Variants in RANBP10 observed in about 807,000 individuals in gnomAD.
The protein encoded by RANBP10 is RAN binding protein 10.
In RANBP10, 24 loss-of-function variants were observed where a neutral mutation model predicts 72.8. That is an observed-to-expected ratio of 0.33 (90% CI 0.24 to 0.46). RANBP10 has a LOEUF of 0.46. RANBP10 is among the 20% of genes least tolerant of loss of function. RANBP10 has a pLI of 1.00. For missense variants in RANBP10, 679 were observed against 817.5 expected (o/e 0.83, Z 2.07); for synonymous variants, 310 against 322.3 (o/e 0.96, Z 0.41).
Position 67,806,447 on chromosome 16 carries a change from A to C in RANBP10, c.90T>G (p.Pro30=), listed in dbSNP as rs776847007. The C allele has an allele frequency of 3.8e-6, 6 of 1,575,354 alleles. No homozygotes were observed. The Admixed American group carries it at 9.2e-5, about 24-fold the overall frequency. The change falls in exon 1 of 14, where the codon CCT becomes CCG. Residue 30 remains proline, a synonymous_variant. Transcript: ENST00000317506. ...GGGAGGGLPS[P]GEQELSRRLQ... ...AGCGCCGGCTCAGCTCCTGCTCCCC[A>C]GGGGACGGCAGCCCGCCCCCAGCGC...
chr16:67,762,537 C>T (rs1044264979), intron 3 of RANBP10: 3 of 152,134 alleles, frequency 2.0e-5, no homozygotes, highest in African/African-American at 7.2e-5. Flanking sequence ...TGTCTATTTC[C>T]CCATATGACC....
In RANBP10 at chr16:67,806,513, C is replaced by T. The variant is rs1223855324; in HGVS notation, c.24G>A (p.Pro8=). 3.3e-6 allele frequency: 5 copies of T among 1,517,928 alleles called. No individual in the cohort carries two copies. The highest frequency in any genetic ancestry group is 4.4e-6 in the Non-Finnish European group (5 of 1,140,850). The allele number at this position is 1,517,928 out of a possible 1,614,324, so 94.0% of individuals were successfully genotyped here. A position where few individuals can be genotyped will look rare whatever the true frequency, so the allele number is the denominator to read the frequency against. Residue 8 remains proline, a synonymous_variant, in exon 1 of 14, where the codon CCG becomes CCA. Transcript: ENST00000317506. The part of the protein sequence containing the change: MAAATAD[P]GAGNPQPGDS... Reference sequence around the variant, plus strand: ...CCCCAGGCTGCGGGTTCCCAGCTCCCGGGTCTGCCGTCGCTGCCGCCATCT... The same window carrying T: ...CCCCAGGCTGCGGGTTCCCAGCTCCTGGGTCTGCCGTCGCTGCCGCCATCT...
rs1427378582 is a variant in RANBP10, at chr16:67,734,871, C to G, written c.763G>C (p.Ala255Pro). 4 of 1,600,378 alleles carry G rather than the reference C, an allele frequency of 2.5e-6. No individual in the cohort carries two copies. In the Admixed American group the frequency reaches 6.8e-5, roughly 27 times the overall value. ...PISARLGEWQ[A>P]VLQNMVSSYL... ...CAGGGCACTCACTTCTGCAGCACTG[C>G]CTGCCACTCGCCAAGCCGGGCACTG... Residue 255 changes from alanine (A) to proline (P), a missense_variant, in exon 6 of 14, where the codon GCA (alanine) becomes CCA (proline). Transcript: ENST00000317506.
chr16:67,731,260 G>C (rs2053724247), intron 7 of RANBP10: 2 of 516,182 alleles, frequency 3.9e-6, no homozygotes, highest in Non-Finnish European at 7.0e-6. Flanking sequence ...TGTGCATTAG[G>C]GAGGCTGCCC....
intron 3 of RANBP10, among the ~76,000 whole-genome samples, chr16:67,767,508 T>C (rs1168929170): frequency 1.4e-5 from 2 of 138,220 alleles, no homozygotes; most frequent in Non-Finnish European, 3.1e-5. Context: ...GCGCCTATAA[T>C]CCCAGTACTT....
chr16:67,729,836 G>A lies in RANBP10; in HGVS notation c.999-8C>T, dbSNP rs112104118. The A allele has an allele frequency of 3.7e-5, 60 of 1,613,742 alleles. 3 individuals are homozygous for A. The African/African-American group carries it at 4.5e-4, about 12-fold the overall frequency. On this transcript the variant is annotated splice_polypyrimidine_tract_variant and splice_region_variant and intron_variant, in intron 8 of 13. Coordinates refer to ENST00000317506, the MANE Select transcript of RANBP10 (RefSeq NM_020850.3). This position sits in a 1 kb window ranked among gnomAD's most constrained non-coding sequence, Gnocchi z 7.1. ...TCCACAAACTGCCGGCACCTGTGGA[G>A]GGAGCGGAGCAATAATGCTCTGGTT...
rs2053565113 is a variant in RANBP10 at position 67,724,073 on chromosome 16, GAC to G, written c.*2353_*2354del. The G allele has an allele frequency of 6.5e-6, 1 of 152,762 alleles. No homozygotes were observed. Among genetic ancestry groups the G allele is most frequent in the Non-Finnish European group, 1.5e-5 (1 of 68,260 alleles). 9.5% of individuals were successfully genotyped at this position (152,762 alleles called of 1,614,324 possible). On this transcript the variant is annotated 3_prime_UTR_variant, in exon 14 of 14. Transcript: ENST00000317506. Reference sequence around the variant, plus strand: ...ATGGGTACCAAGTGCGAGCCAGGCAGACACCCAACCCCATGCAGCACACAGCT... The same window carrying G: ...ATGGGTACCAAGTGCGAGCCAGGCAGACCCAACCCCATGCAGCACACAGCT...
chr16:67,799,453 A>T (rs1488175136), intron 2 of RANBP10, among the ~76,000 whole-genome samples: 1 of 151,388 alleles, frequency 6.6e-6, no homozygotes, highest in Non-Finnish European at 1.5e-5. Context: ...ATGCCTGGCT[A>T]ATTTTTTGTA....
At chr16:67,780,781 C>G (rs1247385993) in intron 2 of RANBP10, among the ~76,000 whole-genome samples, 1 of 152,148 alleles carries the variant, frequency 6.6e-6, no homozygotes. Context: ...GCTAGAGAAG[C>G]CCAAGACACT....
At chr16:67,777,067 G>A (rs374970828) in intron 2 of RANBP10, among the ~76,000 whole-genome samples, 2 of 151,348 alleles carry the variant, frequency 1.3e-5, no homozygotes, top group East Asian at 2.0e-4. Flanking sequence ...AAAATTAGCC[G>A]GGCGTGGTGG....
chr16:67,746,032 T>A (rs190521621), intron 3 of RANBP10, among the ~76,000 whole-genome samples: 185 of 152,094 alleles, frequency 1.2e-3, no homozygotes, highest in African/African-American at 4.1e-3. Flanking sequence ...GGTGCATGCC[T>A]ATAATCCCAG....
intron 3 of RANBP10, among the ~76,000 whole-genome samples, chr16:67,749,452 G>A (rs763600923): frequency 2.0e-5 from 3 of 152,340 alleles, no homozygotes; most frequent in Non-Finnish European, 2.9e-5. Context: ...CAGTGTGAGA[G>A]CTGCTTGAGA....
intron 3 of RANBP10, among the ~76,000 whole-genome samples, chr16:67,766,357 C>G (rs576539087): frequency 6.6e-6 from 1 of 152,164 alleles, no homozygotes; most frequent in Non-Finnish European, 1.5e-5. Flanking sequence ...CAATGAATAA[C>G]GGCAAGCTGA....
intron 3 of RANBP10, among the ~76,000 whole-genome samples, chr16:67,758,003 C>T (rs144546213): frequency 7.9e-4 from 121 of 152,290 alleles, no homozygotes; most frequent in Middle Eastern, 3.4e-3. Flanking sequence ...GCACCTAGGC[C>T]CTCCACTGAG....
chr16:67,748,201 T>G (rs2143007055), intron 3 of RANBP10, among the ~76,000 whole-genome samples: 1 of 152,042 alleles, frequency 6.6e-6, no homozygotes, highest in Non-Finnish European at 1.5e-5. Context: ...TAGATCAATT[T>G]GGAGAGAATA....
chr16:67,759,733 C>T (rs559780077), intron 3 of RANBP10: 3 of 152,258 alleles, frequency 2.0e-5, no homozygotes, highest in Non-Finnish European at 4.4e-5. Flanking sequence ...GGGTCCCAGG[C>T]TATATGGAAC....
Position 67,725,245 on chromosome 16 carries a change from A to G in RANBP10, c.*1183T>C, listed in dbSNP as rs1428130424. On this transcript the variant is annotated 3_prime_UTR_variant, in exon 14 of 14. Coordinates refer to ENST00000317506, the MANE Select transcript of RANBP10 (RefSeq NM_020850.3). ...CAGTGAAGTCTGGCCTAGGGGACCA[A>G]GGATTCCATCCACTCCCTGGAGTAG... is the stretch of plus-strand genomic sequence containing the variant. The G allele has an allele frequency of 6.6e-6, 1 of 152,566 alleles. No homozygotes were observed. Among genetic ancestry groups the G allele is most frequent in the Non-Finnish European group, 1.5e-5 (1 of 68,188 alleles). 9.5% of individuals were successfully genotyped at this position (152,566 alleles called of 1,614,324 possible).
intron 2 of RANBP10, among the ~76,000 whole-genome samples, chr16:67,804,971 C>T (rs796504198): frequency 9.2e-5 from 14 of 152,226 alleles, no homozygotes; most frequent in African/African-American, 2.9e-4. Flanking sequence ...GATGACAGGC[C>T]GGTGGCCACA....
chr16:67,735,050 G>A lies in RANBP10; in HGVS notation c.592-8C>T. The A allele has an allele frequency of 6.3e-7, 1 of 1,581,242 alleles. No homozygotes were observed. The highest frequency in any genetic ancestry group is 8.6e-7 in the Non-Finnish European group (1 of 1,158,728). On this transcript the variant is annotated splice_polypyrimidine_tract_variant and splice_region_variant and intron_variant, in intron 5 of 13. Coordinates refer to ENST00000317506, the MANE Select transcript of RANBP10 (RefSeq NM_020850.3). Reference sequence around the variant, plus strand: ...GGTGGGGTAGAGGTTGGCCTGAGGAGGAGAATGAAATGTCAGTCAGGCCCT... The same window carrying A: ...GGTGGGGTAGAGGTTGGCCTGAGGAAGAGAATGAAATGTCAGTCAGGCCCT...
Sources: allele counts gnomAD v4.1 joint callset (sites outside exome capture counted in the v4.1 genomes callset), GRCh38; gene constraint gnomAD v4.1.1; non-coding constraint Gnocchi (gnomAD v3.1); transcripts MANE v1.5; gene names NCBI Gene and HGNC (gene_info 2026-07-23, HGNC 2026-07-21).